The following XRCC4 variants were observed in gnomAD, a reference collection of about 807,000 sequenced individuals.
XRCC4 encodes the protein X-ray repair cross complementing 4.
XRCC4 carries 28 observed loss-of-function variants against 39.1 expected under a neutral mutation model. That is an observed-to-expected ratio of 0.72 (90% CI 0.53 to 0.98). The LOEUF (loss-of-function observed/expected upper bound fraction) is 0.98. Ranked by LOEUF, XRCC4 falls within the 50% of genes least tolerant of loss-of-function variation. The pLI, the probability that XRCC4 is intolerant of heterozygous loss-of-function variation, is 0.00. For synonymous variants in XRCC4, 123 were observed against 126.4 expected (o/e 0.97, Z 0.18); for missense variants, 350 against 376.4 (o/e 0.93, Z 0.58).
At chr5:83,108,059 GT>G (rs1746281547) in intron 2 of XRCC4, among the ~76,000 whole-genome samples, 2 of 151,906 alleles carry the variant, frequency 1.3e-5, no homozygotes, top group Non-Finnish European at 2.9e-5. Flanking sequence ...ATGCTTTTCA[GT>G]GTTAAAGTGA....
chr5:83,277,006 G>A (rs1359626402), intron 7 of XRCC4, among the ~76,000 whole-genome samples: 1 of 152,084 alleles, frequency 6.6e-6, no homozygotes, highest in Non-Finnish European at 1.5e-5. Flanking sequence ...TTAGTATTGG[G>A]GGGAAGTTCT....
At chr5:83,135,329 G>C (rs1233576362) in intron 3 of XRCC4, among the ~76,000 whole-genome samples, 3 of 151,828 alleles carry the variant, frequency 2.0e-5, no homozygotes, top group African/African-American at 7.2e-5. Flanking sequence ...GACTGGAGCT[G>C]TTCCTATTCG....
intron 3 of XRCC4, among the ~76,000 whole-genome samples, chr5:83,141,104 T>C (rs1215754745): frequency 1.3e-5 from 2 of 152,242 alleles, no homozygotes; most frequent in Non-Finnish European, 2.9e-5. Flanking sequence ...CATAGCAATG[T>C]ATTCTGGAAA....
chr5:83,288,625 T>C (rs1458686509), intron 7 of XRCC4, among the ~76,000 whole-genome samples: 1 of 151,924 alleles, frequency 6.6e-6, no homozygotes, highest in African/African-American at 2.4e-5. Flanking sequence ...TCTTTTTGTT[T>C]ACATGGCTTC....
intron 7 of XRCC4, among the ~76,000 whole-genome samples, chr5:83,290,936 G>C (rs888925782): frequency 1.3e-5 from 2 of 151,420 alleles, no homozygotes; most frequent in African/African-American, 4.8e-5. Flanking sequence ...TGTTTTGTTG[G>C]GTTTTATATT....
chr5:83,099,677 G>T (rs1452153724), intron 1 of XRCC4, among the ~76,000 whole-genome samples: 2 of 152,120 alleles, frequency 1.3e-5, no homozygotes, highest in Non-Finnish European at 2.9e-5. Context: ...ATTGGGGTGG[G>T]ACCCAACTGT....
intron 3 of XRCC4, among the ~76,000 whole-genome samples, chr5:83,138,794 G>A (rs1748023873): frequency 6.6e-6 from 1 of 152,046 alleles, no homozygotes; most frequent in South Asian, 2.1e-4. Flanking sequence ...CAGCAGTTCA[G>A]TAGTGGGGAA....
At chr5:83,100,326 A>G (rs1237857422) in intron 1 of XRCC4, among the ~76,000 whole-genome samples, 6 of 152,288 alleles carry the variant, frequency 3.9e-5, no homozygotes, top group Admixed American at 3.9e-4. Flanking sequence ...TGAATAATTC[A>G]AAGATGTTCT....
chr5:83,156,662 C>G (rs1748979917), intron 3 of XRCC4, among the ~76,000 whole-genome samples: 1 of 151,920 alleles, frequency 6.6e-6, no homozygotes, highest in Admixed American at 6.6e-5. Context: ...GCTTATATTG[C>G]CTTAAATAGT....
intron 1 of XRCC4, among the ~76,000 whole-genome samples, chr5:83,086,395 AT>A (rs1745183375): frequency 6.6e-6 from 1 of 152,206 alleles, no homozygotes; most frequent in African/African-American, 2.4e-5. Flanking sequence ...TTTGTGTGTT[AT>A]ATGCATTATG....
downstream of XRCC4, among the ~76,000 whole-genome samples, chr5:83,354,907 T>A (rs1757172829): frequency 6.6e-6 from 1 of 152,194 alleles, no homozygotes; most frequent in Non-Finnish European, 1.5e-5. Context: ...TCTATTCTCC[T>A]ACAATGAGGC....
At chr5:83,116,462 G>GA (rs1746713625) in intron 3 of XRCC4, among the ~76,000 whole-genome samples, 1 of 151,916 alleles carries the variant, frequency 6.6e-6, no homozygotes, top group African/African-American at 2.4e-5. Flanking sequence ...ACTTATATAA[G>GA]AATTGTTTGA....
At chr5:83,191,846 C>T (rs1212942381) in intron 3 of XRCC4, among the ~76,000 whole-genome samples, 1 of 152,124 alleles carries the variant, frequency 6.6e-6, no homozygotes, top group East Asian at 1.9e-4. Flanking sequence ...TGCATTAAAC[C>T]CTTTTTCTTC....
intron 3 of XRCC4, among the ~76,000 whole-genome samples, chr5:83,148,049 A>G (rs935913536): frequency 1.8e-4 from 28 of 152,078 alleles, no homozygotes; most frequent in African/African-American, 6.0e-4. Context: ...CGGCCTCCCA[A>G]AGTGCTGGAC....
At chr5:83,192,563 G>T (rs1324952803) in intron 3 of XRCC4, among the ~76,000 whole-genome samples, 1 of 151,784 alleles carries the variant, frequency 6.6e-6, no homozygotes, top group Non-Finnish European at 1.5e-5. Context: ...TGCCCACCTC[G>T]GCCTCCCAAA....
chr5:83,130,712 C>T (rs1264265258), intron 3 of XRCC4, among the ~76,000 whole-genome samples: 6 of 152,094 alleles, frequency 3.9e-5, no homozygotes, highest in Non-Finnish European at 8.8e-5. Context: ...GTGTATGTGT[C>T]GAGGAATTTA....
At chr5:83,095,442 A>G (rs1745632295) in intron 1 of XRCC4, among the ~76,000 whole-genome samples, 1 of 152,194 alleles carries the variant, frequency 6.6e-6, no homozygotes, top group South Asian at 2.1e-4. Flanking sequence ...TCAGTGGGGT[A>G]GGAAAGTAGG....
intron 6 of XRCC4, among the ~76,000 whole-genome samples, chr5:83,234,443 C>G (rs1752612253): frequency 6.6e-6 from 1 of 152,050 alleles, no homozygotes; most frequent in African/African-American, 2.4e-5. Flanking sequence ...GTTGCCCAGG[C>G]TGGAGTGCAG....
At chr5:83,240,731 G>A (rs1752875550) in intron 6 of XRCC4, among the ~76,000 whole-genome samples, 1 of 152,122 alleles carries the variant, frequency 6.6e-6, no homozygotes, top group Non-Finnish European at 1.5e-5. Flanking sequence ...GTGAAAGTGA[G>A]TGAGATCACC....
Sources: allele counts gnomAD v4.1 joint callset (sites outside exome capture counted in the v4.1 genomes callset), GRCh38; gene constraint gnomAD v4.1.1; transcripts MANE v1.5; gene names NCBI Gene and HGNC (gene_info 2026-07-23, HGNC 2026-07-21).